The following SFMBT2 variants were observed in gnomAD, a reference collection of about 807,000 sequenced individuals.
SFMBT2 encodes scm-like with four MBT domains protein 2.
A neutral mutation model predicts 110.1 loss-of-function variants in SFMBT2; 38 were observed. The observed-to-expected ratio is 0.35, with a 90% CI of 0.27 to 0.45. The LOEUF (loss-of-function observed/expected upper bound fraction) is 0.45. Ranked by LOEUF, SFMBT2 falls within the 20% of genes least tolerant of loss-of-function variation. SFMBT2 has a pLI of 1.00. For synonymous variants in SFMBT2, 425 were observed against 425.4 expected, an observed-to-expected ratio of 1.00 and a Z score of 0.01; for missense variants, 1,011 against 1,094.9, an observed-to-expected ratio of 0.92 and a Z score of 1.08.
At chr10:7,326,376 T>C (rs1031562619) in intron 4 of SFMBT2, among the ~76,000 whole-genome samples, 10 of 152,196 alleles carry the variant, frequency 6.6e-5, no homozygotes, top group Admixed American at 5.9e-4. Context: ...ACATTTGACA[T>C]CCTTAGCCCC....
intron 2 of SFMBT2, among the ~76,000 whole-genome samples, chr10:7,377,479 T>C (rs1845271354): frequency 6.6e-6 from 1 of 152,194 alleles, no homozygotes. Context: ...CATTGTACTA[T>C]ATAATGAAAT....
chr10:7,260,555 A>G (rs188175177), intron 7 of SFMBT2, among the ~76,000 whole-genome samples: 1 of 152,308 alleles, frequency 6.6e-6, no homozygotes, highest in East Asian at 1.9e-4. Context: ...AACCTATTCC[A>G]GAAACTACCA....
intron 7 of SFMBT2, among the ~76,000 whole-genome samples, chr10:7,256,216 A>G (rs1841003006): frequency 6.6e-6 from 1 of 152,186 alleles, no homozygotes; most frequent in African/African-American, 2.4e-5. Flanking sequence ...ATTCAGTCTG[A>G]GCCCACCCTC....
rs573620805 is a variant in SFMBT2, at chr10:7,205,196, C to T, written c.1444+619G>A. The T allele has an allele frequency of 1.9e-4, 38 of 205,310 alleles. No homozygotes were observed. In the East Asian group the frequency reaches 6.8e-3, roughly 37 times the overall value. 12.7% of individuals were successfully genotyped at this position (205,310 alleles called of 1,614,324 possible). A position where few individuals can be genotyped will look rare whatever the true frequency, so the allele number is the denominator to read the frequency against. The stretch of plus-strand genomic sequence containing the variant: ...CTCCCGGGCTCAGGCAATCCTCCCA[C>T]CTCAGCCTCCAGAGTAGCTGGAGAC... On this transcript the variant is annotated intron_variant, in intron 12 of 20. Transcript: ENST00000397167.
At chr10:7,174,181 C>A (rs866745226) in intron 17 of SFMBT2, among the ~76,000 whole-genome samples, 12 of 152,210 alleles carry the variant, frequency 7.9e-5, no homozygotes, top group African/African-American at 2.7e-4. Flanking sequence ...GGAACAATGT[C>A]CCGTGTCCAG....
intron 16 of SFMBT2, among the ~76,000 whole-genome samples, chr10:7,186,457 CACAT>C (rs1554782963): frequency 1.3e-4 from 14 of 110,428 alleles, no homozygotes; most frequent in African/African-American, 5.3e-4. Context: ...CACACACACA[CACAT>C]ATATATATAT....
chr10:7,281,571 T>G (rs972316406), intron 6 of SFMBT2, among the ~76,000 whole-genome samples: 1 of 152,208 alleles, frequency 6.6e-6, no homozygotes, highest in Non-Finnish European at 1.5e-5. Flanking sequence ...ACCGTGGGAC[T>G]TGAAATCAAT....
At chr10:7,221,224 C>T (rs935972294) in intron 10 of SFMBT2, among the ~76,000 whole-genome samples, 4 of 152,198 alleles carry the variant, frequency 2.6e-5, no homozygotes, top group Admixed American at 1.3e-4. Flanking sequence ...AATTTCCATC[C>T]GGCATCATTT....
chr10:7,216,202 G>A (rs377544400), intron 11 of SFMBT2, among the ~76,000 whole-genome samples: 2 of 152,190 alleles, frequency 1.3e-5, no homozygotes, highest in South Asian at 2.1e-4. Flanking sequence ...ATCGCAGACC[G>A]CAGATCATGG....
chr10:7,191,166 TCCC>T (rs923693685), intron 15 of SFMBT2, among the ~76,000 whole-genome samples: 3 of 151,958 alleles, frequency 2.0e-5, no homozygotes, highest in African/African-American at 7.2e-5. Context: ...ACTAACACAT[TCCC>T]CCACCTCATT....
At chr10:7,288,306 T>C (rs1212604749) in intron 4 of SFMBT2, among the ~76,000 whole-genome samples, 2 of 152,228 alleles carry the variant, frequency 1.3e-5, no homozygotes, top group Non-Finnish European at 2.9e-5. Context: ...CTTTACCTTA[T>C]ATGGCAACGT....
At chr10:7,199,305 A>G (rs1037018396) in intron 14 of SFMBT2, among the ~76,000 whole-genome samples, 1 of 152,198 alleles carries the variant, frequency 6.6e-6, no homozygotes, top group African/African-American at 2.4e-5. Flanking sequence ...CTATAAATGT[A>G]GAATGAGGTT....
chr10:7,314,390 T>C (rs572690947), intron 4 of SFMBT2, among the ~76,000 whole-genome samples: 1 of 152,364 alleles, frequency 6.6e-6, no homozygotes, highest in East Asian at 1.9e-4. Flanking sequence ...TATTGCTACA[T>C]AATGGCAAAT....
chr10:7,186,423 TATACAC>T (rs1554782931), intron 16 of SFMBT2, among the ~76,000 whole-genome samples: 203 of 108,118 alleles, frequency 1.9e-3, no homozygotes, highest in Middle Eastern at 9.2e-3. Context: ...ACATACTATA[TATACAC>T]ACACACACAC....
Position 7,172,618 on chromosome 10 carries a change from G to C in SFMBT2, c.2028C>G (p.Ile676Met). Residue 676 changes from isoleucine (I) to methionine (M), a missense_variant, in exon 18 of 21, where the codon ATC becomes ATG. Ile to Met is a conservative substitution (Grantham distance 10, BLOSUM62 1). Transcript: ENST00000397167. The surrounding 1 kb of genome is among the most constrained non-coding windows in gnomAD (Gnocchi z 4.6). ...GKRKKISKPP[I>M]GESNPDSGHP... The stretch of plus-strand genomic sequence containing the variant: ...GTCCGCTGTCGGGGTTGCTTTCCCC[G>C]ATGGGGGGCTTGGAGATCTTCTTTC... 6.2e-7 allele frequency: 1 copy of C among 1,614,230 alleles called. No individual in the cohort carries two copies. The highest frequency in any genetic ancestry group is 1.6e-4 in the Middle Eastern group (1 of 6,062).
chr10:7,292,871 T>C (rs1588424238), intron 4 of SFMBT2, among the ~76,000 whole-genome samples: 1 of 152,050 alleles, frequency 6.6e-6, no homozygotes, highest in South Asian at 2.1e-4. Context: ...CAGGTGCCTG[T>C]AGTACCAGCT....
chr10:7,236,471 G>T (rs1840259242), intron 9 of SFMBT2, among the ~76,000 whole-genome samples: 1 of 152,136 alleles, frequency 6.6e-6, no homozygotes, highest in Non-Finnish European at 1.5e-5. Context: ...AAAGAACAGG[G>T]TTAAGAGTCA....
intron 15 of SFMBT2, among the ~76,000 whole-genome samples, chr10:7,194,718 TTTTTG>T (rs1237713773): frequency 6.6e-6 from 1 of 152,214 alleles, no homozygotes; most frequent in Admixed American, 6.5e-5. Context: ...CTCACCTACT[TTTTTG>T]TTTTGTTTTG....
intron 4 of SFMBT2, among the ~76,000 whole-genome samples, chr10:7,334,092 C>G (rs577843792): frequency 6.6e-6 from 1 of 152,196 alleles, no homozygotes; most frequent in South Asian, 2.1e-4. Context: ...CCTCCGACAA[C>G]AGGGAGTTCA....
Sources: gnomAD v4.1 joint callset for allele counts (sites outside exome capture counted in the v4.1 genomes callset) on GRCh38, gnomAD v4.1.1 for gene constraint, Gnocchi (gnomAD v3.1) non-coding constraint, MANE v1.5 for transcripts, NCBI Gene and HGNC (gene_info 2026-07-23, HGNC 2026-07-21) for gene names.